Variants in CEACAM21 observed in about 807,000 individuals in gnomAD.
The protein encoded by CEACAM21 is CEA cell adhesion molecule 21, also known as cell adhesion molecule CEACAM21.
CEACAM21 carries 38 observed loss-of-function variants against 33.2 expected under a neutral mutation model. That is an observed-to-expected ratio of 1.14 (90% CI 0.88 to 1.50). CEACAM21 has a LOEUF of 1.50. CEACAM21 is among the 40% of genes most tolerant of loss of function. The pLI is 0.00. For synonymous variants in CEACAM21, 156 were observed against 143.0 expected (o/e 1.09, Z -0.65); for missense variants, 385 against 364.6 (o/e 1.06, Z -0.46).
chr19:41,572,977 C>T (rs781852892), upstream of CEACAM21, among the ~76,000 whole-genome samples: 12 of 152,126 alleles, frequency 7.9e-5, no homozygotes, highest in Non-Finnish European at 1.6e-4. Context: ...CCTGCAGGTG[C>T]CCAGCTCAGT....
intron 2 of CEACAM21, among the ~76,000 whole-genome samples, chr19:41,567,187 A>G (rs2042319587): frequency 6.6e-6 from 1 of 152,232 alleles, no homozygotes; most frequent in Admixed American, 6.5e-5. Flanking sequence ...AAAGGAATCA[A>G]TTAATTGCAC....
chr19:41,565,197 C>CCAT (rs1555788017), intron 2 of CEACAM21: 1 of 152,476 alleles, frequency 6.6e-6, no homozygotes, highest in East Asian at 1.9e-4. Flanking sequence ...CCGGCGGGGC[C>CCAT]CATCCCCCTT....
Position 41,577,321 on chromosome 19 carries a change from T to C in CEACAM21, c.186T>C (p.Leu62=), listed in dbSNP as rs7247842. ...CTGTGGTTTATCTGCCCGAGAATCTTTACAGCTATGGCTGGTACAAAGGGA... is the reference window on the plus strand; with the variant it reads ...CTGTGGTTTATCTGCCCGAGAATCTCTACAGCTATGGCTGGTACAAAGGGA... ...HLSVVYLPEN[L]YSYGWYKGKT... is the part of the protein sequence containing the mutation. The change falls in exon 2 of 7, where the codon CTT becomes CTC. Residue 62 remains leucine (L), a synonymous_variant. Coordinates refer to ENST00000401445, the MANE Select transcript of CEACAM21 (RefSeq NM_001098506.4). The C allele has an allele frequency of 0.064, 103,644 of 1,613,862 alleles. 10,417 individuals are homozygous for C. The highest frequency in any genetic ancestry group is 0.4 in the East Asian group (18,161 of 44,854).
chr19:41,585,880 G>T lies in CEACAM21; in HGVS notation c.*9G>T. 6.2e-7 allele frequency: 1 copy of T among 1,612,764 alleles called. No homozygotes were observed. The highest frequency in any genetic ancestry group is 8.5e-7 in the Non-Finnish European group (1 of 1,179,422). ...ACAGCTCCATCTCCTAGGTAAGACTGTCCGTTCCCAATCCCATTTCCACTG... is the reference window on the plus strand; with the variant it reads ...ACAGCTCCATCTCCTAGGTAAGACTTTCCGTTCCCAATCCCATTTCCACTG... On this transcript the variant is annotated intron_variant, in intron 6 of 6. Coordinates refer to ENST00000401445, the MANE Select transcript of CEACAM21 (RefSeq NM_001098506.4).
At chr19:41,564,592 CAG>C (rs1555787796) in intron 1 of CEACAM21, 1 of 152,284 alleles carries the variant, frequency 6.6e-6, no homozygotes, top group Non-Finnish European at 1.5e-5. Flanking sequence ...CTCGCGGAAA[CAG>C]GGGGTGGGCG....
rs1478002706 is a variant in CEACAM21 at position 41,586,650 on chromosome 19, G to A, written c.*187G>A. 1 of 520,232 alleles carries A rather than the reference G, an allele frequency of 1.9e-6. No individual in the cohort carries two copies. The highest frequency in any genetic ancestry group is 1.5e-5 in the South Asian group (1 of 66,152). The allele number at this position is 520,232 out of a possible 1,614,324, so 32.2% of individuals were successfully genotyped here. ...AGCTCTGAGTCCTGAGGAGACACAG[G>A]CCTGGGGACAGGAAGGGATGGGGGT... is the stretch of plus-strand genomic sequence containing the variant. On this transcript the variant is annotated 3_prime_UTR_variant, in exon 7 of 7. Transcript: ENST00000401445.
At chr19:41,583,453 A>G (rs1239652822) in intron 3 of CEACAM21, among the ~76,000 whole-genome samples, 2 of 152,192 alleles carry the variant, frequency 1.3e-5, no homozygotes, top group Non-Finnish European at 2.9e-5. Flanking sequence ...TCTTTATAGC[A>G]GCACTCCACT....
At chr19:41,568,431 C>T (rs2042402221) in intron 2 of CEACAM21, among the ~76,000 whole-genome samples, 1 of 152,092 alleles carries the variant, frequency 6.6e-6, no homozygotes, top group Non-Finnish European at 1.5e-5. Context: ...ACATTTAAGT[C>T]TTTATTTAAT....
At chr19:41,568,138 A>G (rs567129498) in intron 2 of CEACAM21, among the ~76,000 whole-genome samples, 1 of 152,092 alleles carries the variant, frequency 6.6e-6, no homozygotes, top group Non-Finnish European at 1.5e-5. Context: ...TAATTTTCTT[A>G]TATATTTTGG....
At chr19:41,585,583 T>C (rs1212325852) in intron 5 of CEACAM21, 88 bp downstream of exon 5, 12 of 1,405,290 alleles carry the variant, frequency 8.5e-6, no homozygotes, top group Non-Finnish European at 1.2e-5. Context: ...CAGGGGCCTC[T>C]GACCCTATCC....
upstream of CEACAM21, among the ~76,000 whole-genome samples, chr19:41,573,166 A>T (rs1399843567): frequency 6.6e-6 from 1 of 152,204 alleles, no homozygotes; most frequent in African/African-American, 2.4e-5. Flanking sequence ...ATCTGTAGTG[A>T]CAGTGCCTAA....
intron 1 of CEACAM21, among the ~76,000 whole-genome samples, chr19:41,557,539 C>T (rs548138559): frequency 1.1e-4 from 16 of 152,240 alleles, no homozygotes; most frequent in African/African-American, 3.4e-4. Context: ...CGCTGTCAAT[C>T]GACAGCTTTT....
At chr19:41,558,603 T>C (rs782041744) in intron 1 of CEACAM21, among the ~76,000 whole-genome samples, 8 of 152,102 alleles carry the variant, frequency 5.3e-5, no homozygotes, top group Admixed American at 2.6e-4. Context: ...GCCGAGATCA[T>C]GCCACTGCAC....
chr19:41,552,790 C>T (rs1555784695), intron 1 of CEACAM21, among the ~76,000 whole-genome samples: 2 of 152,060 alleles, frequency 1.3e-5, no homozygotes, highest in African/African-American at 4.8e-5. Flanking sequence ...AGAGGCAGCA[C>T]CTGCTAAAAC....
At chr19:41,570,792 A>G (rs1555789314) in intron 2 of CEACAM21, among the ~76,000 whole-genome samples, 1 of 152,150 alleles carries the variant, frequency 6.6e-6, no homozygotes, top group Non-Finnish European at 1.5e-5. Context: ...AGCTCCAGTA[A>G]GGGCAAGGGC....
In CEACAM21 at chr19:41,579,686, G is replaced by T. The variant is rs901148110; in HGVS notation, c.700+58G>T. 13 of 1,238,830 alleles carry T rather than the reference G, an allele frequency of 1.0e-5. No homozygotes were observed. In the African/African-American group the frequency reaches 1.2e-4, roughly 12 times the overall value. 76.7% of individuals were successfully genotyped at this position (1,238,830 alleles called of 1,614,324 possible). A position where few individuals can be genotyped will look rare whatever the true frequency, so the allele number is the denominator to read the frequency against. On this transcript the variant is annotated intron_variant, in intron 3 of 6. Transcript: ENST00000401445. Reference sequence around the variant, plus strand: ...CTTGTATATTTTCCTAGGAGGGAGGGGGGGTGTAAAATGATACACGGAATG... The same window carrying T: ...CTTGTATATTTTCCTAGGAGGGAGGTGGGGTGTAAAATGATACACGGAATG...
chr19:41,579,753 T>A, intron 3 of CEACAM21, 125 bp downstream of exon 3: 1 of 709,438 alleles, frequency 1.4e-6, no homozygotes, highest in Non-Finnish European at 2.3e-6. Flanking sequence ...GCAATGTGGG[T>A]AAGAACTCAG....
chr19:41,579,205 C>T, intron 2 of CEACAM21, 148 bp from the exon 3 acceptor site: 4 of 1,325,450 alleles, frequency 3.0e-6, no homozygotes, highest in East Asian at 2.5e-5. Flanking sequence ...CTACTGCTCG[C>T]TGCTATGGGT....
chr19:41,581,688 G>A (rs1555793605), intron 3 of CEACAM21, among the ~76,000 whole-genome samples: 2 of 152,194 alleles, frequency 1.3e-5, no homozygotes. Flanking sequence ...AAGAGGGCAT[G>A]TGTAGAGGAA....
Sources: allele counts gnomAD v4.1 joint callset (sites outside exome capture counted in the v4.1 genomes callset), GRCh38; gene constraint gnomAD v4.1.1; transcripts MANE v1.5; gene names NCBI Gene and HGNC (gene_info 2026-07-23, HGNC 2026-07-21).